The following FHIT variants were observed in gnomAD, a reference collection of about 807,000 sequenced individuals.
FHIT encodes fragile histidine triad diadenosine triphosphatase.
In FHIT, 19 loss-of-function variants were observed where a neutral mutation model predicts 17.9. The ratio of observed to expected loss-of-function variants is 1.06; its 90% CI spans 0.74 to 1.56. The LOEUF is 1.56. FHIT is among the 40% of genes most tolerant of loss of function. The pLI, the probability that FHIT is intolerant of heterozygous loss-of-function variation, is 0.00. For synonymous variants in FHIT, 81 were observed against 69.7 expected (o/e 1.16, Z -0.81); for missense variants, 248 against 189.2 (o/e 1.31, Z -1.82).
intron 5 of FHIT, among the ~76,000 whole-genome samples, chr3:60,397,792 C>T (rs893083726): frequency 6.6e-6 from 1 of 152,200 alleles, no homozygotes; most frequent in Non-Finnish European, 1.5e-5. Flanking sequence ...CTGTTTGGCA[C>T]ACTTTCCTCT....
chr3:60,083,722 A>G (rs1703383304), intron 5 of FHIT, among the ~76,000 whole-genome samples: 1 of 152,196 alleles, frequency 6.6e-6, no homozygotes, highest in Non-Finnish European at 1.5e-5. Flanking sequence ...GCAACAACTC[A>G]ACTCTGCCAT....
At chr3:60,021,144 G>A (rs1700538785) in intron 5 of FHIT, among the ~76,000 whole-genome samples, 1 of 152,170 alleles carries the variant, frequency 6.6e-6, no homozygotes, top group African/African-American at 2.4e-5. Flanking sequence ...ACTCTGCTCA[G>A]AGCTGGTTCT....
chr3:60,470,711 C>G (rs1361358572), intron 5 of FHIT, among the ~76,000 whole-genome samples: 1 of 152,014 alleles, frequency 6.6e-6, no homozygotes, highest in Non-Finnish European at 1.5e-5. Context: ...CATACTGTGG[C>G]CAAACTGGTA....
At chr3:60,019,948 C>T (rs1700492445) in intron 5 of FHIT, among the ~76,000 whole-genome samples, 1 of 152,084 alleles carries the variant, frequency 6.6e-6, no homozygotes, top group East Asian at 1.9e-4. Context: ...AATAATCGAC[C>T]ACAGAATTCT....
At chr3:60,910,411 T>TC (rs71287127) in intron 3 of FHIT, among the ~76,000 whole-genome samples, 13 of 65,434 alleles carry the variant, frequency 2.0e-4, no homozygotes, top group East Asian at 5.1e-4. Flanking sequence ...TCTTTCTCTC[T>TC]TTTTTTTTTT....
intron 7 of FHIT, among the ~76,000 whole-genome samples, chr3:59,977,366 T>C (rs1343973397): frequency 3.9e-5 from 6 of 152,138 alleles, no homozygotes; most frequent in African/African-American, 1.4e-4. Flanking sequence ...TCACAACATT[T>C]TGATTGATTT....
intron 4 of FHIT, among the ~76,000 whole-genome samples, chr3:60,633,462 G>A (rs1404976590): frequency 7.2e-5 from 11 of 152,172 alleles, no homozygotes; most frequent in Admixed American, 6.5e-5. Context: ...AGTATAAAGC[G>A]GTAATCTGTA....
At chr3:60,360,915 C>A (rs1049585565) in intron 5 of FHIT, among the ~76,000 whole-genome samples, 5 of 152,184 alleles carry the variant, frequency 3.3e-5, no homozygotes, top group African/African-American at 1.2e-4. Context: ...CCTGTTTTGT[C>A]AACCACAACC....
chr3:60,037,390 CTTT>C (rs35755244), intron 5 of FHIT, among the ~76,000 whole-genome samples: 18 of 133,720 alleles, frequency 1.3e-4, no homozygotes, highest in Non-Finnish European at 1.5e-4. Flanking sequence ...CCAAGTCTTT[CTTT>C]TTTTTTTTTT....
rs115058624 is a variant in FHIT at position 59,854,335 on chromosome 3, C to T, written c.348+68011G>A. 4.3e-3 allele frequency among the ~76,000 whole-genome samples: 660 copies of T among 152,228 alleles called. 5 individuals are homozygous for T. The highest frequency in any genetic ancestry group is 0.015 in the African/African-American group (632 of 41,550). ...CCACACGTGTCACTGAACACAAATACGTCTGATAAATAATTGAAGCTCGGT... is the reference window on the plus strand; with the variant it reads ...CCACACGTGTCACTGAACACAAATATGTCTGATAAATAATTGAAGCTCGGT... On this transcript the variant is annotated intron_variant, in intron 8 of 9. Transcript: ENST00000492590.
intron 4 of FHIT, among the ~76,000 whole-genome samples, chr3:60,682,100 T>C (rs1443531041): frequency 6.6e-6 from 1 of 152,066 alleles, no homozygotes; most frequent in East Asian, 1.9e-4. Flanking sequence ...GCCTCCCAAG[T>C]ACCTGGGATT....
rs144358057 is a variant in FHIT, at chr3:60,211,937, C to T, written c.104-197785G>A. On this transcript the variant is annotated intron_variant, in intron 5 of 9. Transcript: ENST00000492590. ...ATATATACATATTAAAGTACATTTACATGCATATACACACGTAAACTTATT... is the reference window on the plus strand; with the variant it reads ...ATATATACATATTAAAGTACATTTATATGCATATACACACGTAAACTTATT... Among the ~76,000 whole-genome samples the T allele has an allele frequency of 5.8e-3, 890 of 152,278 alleles. 5 individuals carry two copies. The highest frequency in any genetic ancestry group is 0.024 in the Middle Eastern group (7 of 294).
chr3:61,075,940 T>C (rs953740393), intron 2 of FHIT, among the ~76,000 whole-genome samples: 1 of 152,172 alleles, frequency 6.6e-6, no homozygotes, highest in African/African-American at 2.4e-5. Context: ...CAGCTGTCCT[T>C]TACTGAGTGC....
chr3:60,263,725 A>G (rs1227320391), intron 5 of FHIT, among the ~76,000 whole-genome samples: 1 of 151,984 alleles, frequency 6.6e-6, no homozygotes, highest in Non-Finnish European at 1.5e-5. Context: ...TGATGACAGT[A>G]TTCTACAGTA....
chr3:61,075,347 A>C (rs1221594775), intron 2 of FHIT, among the ~76,000 whole-genome samples: 1 of 152,028 alleles, frequency 6.6e-6, no homozygotes, highest in Non-Finnish European at 1.5e-5. Context: ...AAAAGAATAA[A>C]CATACATGCA....
At chr3:60,479,375 T>C (rs1029714841) in intron 5 of FHIT, among the ~76,000 whole-genome samples, 4 of 152,102 alleles carry the variant, frequency 2.6e-5, no homozygotes, top group Admixed American at 1.3e-4. Context: ...CATAAATATA[T>C]ACAGTCATGC....
intron 5 of FHIT, among the ~76,000 whole-genome samples, chr3:60,523,919 C>T (rs1218090023): frequency 6.6e-6 from 1 of 152,154 alleles, no homozygotes; most frequent in Non-Finnish European, 1.5e-5. Context: ...ACATAGAAAT[C>T]CTGGTTGACA....
At chr3:59,787,140 A>C (rs1699340159) in intron 8 of FHIT, among the ~76,000 whole-genome samples, 1 of 152,174 alleles carries the variant, frequency 6.6e-6, no homozygotes, top group African/African-American at 2.4e-5. Flanking sequence ...CATAAATATT[A>C]TCCTCCTCAT....
chr3:60,530,374 A>C (rs1043664685), intron 5 of FHIT, among the ~76,000 whole-genome samples: 1 of 152,218 alleles, frequency 6.6e-6, no homozygotes, highest in Admixed American at 6.5e-5. Context: ...GCCAGGGCAA[A>C]GTGCACAAAG....
Sources: allele counts gnomAD v4.1 joint callset (sites outside exome capture counted in the v4.1 genomes callset), GRCh38; gene constraint gnomAD v4.1.1; transcripts MANE v1.5; gene names NCBI Gene and HGNC (gene_info 2026-07-23, HGNC 2026-07-21).